SMARCA4: variants seen among roughly 807,000 people sequenced by gnomAD.
The protein encoded by SMARCA4 is SWI/SNF related BAF chromatin remodeling complex subunit ATPase 4.
In SMARCA4, 31 loss-of-function variants were observed where a neutral mutation model predicts 193.9. That is an observed-to-expected ratio of 0.16 (90% CI 0.12 to 0.22). The LOEUF is 0.22. SMARCA4 is among the 10% of genes least tolerant of loss of function. SMARCA4 has a pLI of 1.00. For missense variants in SMARCA4, 1,148 were observed against 2,296.0 expected (o/e 0.50, Z 10.22); for synonymous variants, 942 against 933.1 (o/e 1.01, Z -0.17).
Position 11,060,148 on chromosome 19 carries a change from G to T in SMARCA4, c.4872G>T (p.Pro1624=), listed in dbSNP as rs182644267. Residue 1624 remains proline (P), a synonymous_variant, in exon 34 of 35, where the codon CCG becomes CCT. Transcript: ENST00000344626. ...CGAGCCGAGGGTCCCGAGCCAAGCC[G>T]GTCGTGAGTGACGATGACAGTGAGG... ...RRPSRGSRAK[P]VVSDDDSEEE... is the part of the protein sequence containing the mutation. 1.9e-6 allele frequency: 3 copies of T among 1,551,214 alleles called. No individual in the cohort carries two copies. The Admixed American group carries it at 5.9e-5, about 30-fold the overall frequency.
At chr19:11,047,093 C>G (rs1450993906) in intron 30 of SMARCA4, among the ~76,000 whole-genome samples, 1 of 152,058 alleles carries the variant, frequency 6.6e-6, no homozygotes, top group African/African-American at 2.4e-5. Context: ...AAGACAAACT[C>G]AGGGTCCACA....
In SMARCA4 at chr19:11,019,471, C is replaced by G; in HGVS notation, c.2506-120C>G. The stretch of plus-strand genomic sequence containing the variant: ...CCCTGCCAGCCCCTTTCCCCACTAC[C>G]CCTGTGAGGACGAGCCCTCCCGCCG... On this transcript the variant is annotated intron_variant, in intron 17 of 34. Transcript: ENST00000344626. The surrounding 1 kb of genome is among the most constrained non-coding windows in gnomAD (Gnocchi z 6.1). The G allele has an allele frequency of 1.4e-6, 1 of 699,616 alleles. No individual in the cohort carries two copies. The highest frequency in any genetic ancestry group is 2.7e-5 in the East Asian group (1 of 37,040). 43.3% of individuals were successfully genotyped at this position (699,616 alleles called of 1,614,324 possible). A position where few individuals can be genotyped will look rare whatever the true frequency, so the allele number is the denominator to read the frequency against.
At chr19:11,025,352 CCCAT>C in intron 21 of SMARCA4, 66 bp from the exon 22 acceptor site, 1 of 980,586 alleles carries the variant, frequency 1.0e-6, no homozygotes, top group Non-Finnish European at 1.6e-6. Context: ...CCAACACCCA[CCCAT>C]CCACCAAGCC....
In SMARCA4 at chr19:10,986,667, C is replaced by G. The variant is rs560305365; in HGVS notation, c.760+74C>G. 2 of 1,531,144 alleles carry G rather than the reference C, an allele frequency of 1.3e-6. No individual in the cohort carries two copies. The highest frequency in any genetic ancestry group is 2.7e-5 in the African/African-American group (2 of 72,896). 94.8% of individuals were successfully genotyped at this position (1,531,144 alleles called of 1,614,324 possible). A position where few individuals can be genotyped will look rare whatever the true frequency, so the allele number is the denominator to read the frequency against. On this transcript the variant is annotated intron_variant, in intron 4 of 34. Transcript: ENST00000344626. The surrounding 1 kb of genome is among the most constrained non-coding windows in gnomAD (Gnocchi z 6.7). ...GGCGTGGGTGGCGGGGTGGACAGAC[C>G]GTGCTCTGTTGCCGACTGGGTTCCC...
At chr19:10,973,357 C>T (rs1028081402) in intron 1 of SMARCA4, among the ~76,000 whole-genome samples, 4 of 151,932 alleles carry the variant, frequency 2.6e-5, no homozygotes, top group Admixed American at 6.6e-5. Flanking sequence ...AGGCAGAGAA[C>T]CGTCCTGGAT....
At chr19:11,021,279 G>T (rs1246193788) in intron 18 of SMARCA4, 2 of 344,016 alleles carry the variant, frequency 5.8e-6, no homozygotes, top group Non-Finnish European at 1.2e-5. Flanking sequence ...TACCCCATGG[G>T]GCCCACATTC....
chr19:11,021,562 CGGTGA>C, intron 18 of SMARCA4, 158 bp from the exon 19 acceptor site: 1 of 851,332 alleles, frequency 1.2e-6, no homozygotes, highest in African/African-American at 1.7e-5. Context: ...GGCTCCAACT[CGGTGA>C]GTCAGCCCCG....
At chr19:11,012,209 C>G (rs746016283) in intron 15 of SMARCA4, 1 of 153,074 alleles carries the variant, frequency 6.5e-6, no homozygotes. Context: ...CTGTCTCTAC[C>G]GAAAATACAA....
chr19:10,981,844 C>T (rs1568412585), intron 1 of SMARCA4, among the ~76,000 whole-genome samples: 1 of 151,798 alleles, frequency 6.6e-6, no homozygotes, highest in East Asian at 1.9e-4. Context: ...AAAAATTAGC[C>T]AGGCATGGTG....
Position 11,061,849 on chromosome 19 carries a change from T to G in SMARCA4, c.*33T>G, listed in dbSNP as rs754969858. 8.7e-6 allele frequency: 14 copies of G among 1,610,074 alleles called. No homozygotes were observed. In the South Asian group the frequency reaches 1.5e-4, roughly 18 times the overall value. On this transcript the variant is annotated 3_prime_UTR_variant, in exon 35 of 35. Coordinates refer to ENST00000344626, the MANE Select transcript of SMARCA4 (RefSeq NM_003072.5). The stretch of plus-strand genomic sequence containing the variant: ...CATTCCAGTCTCGACCCCGAGCCCC[T>G]CGTTCCAGAGCTGAGATGGCATAGG...
At chr19:10,967,878 T>A (rs530693159) in intron 1 of SMARCA4, among the ~76,000 whole-genome samples, 1 of 150,456 alleles carries the variant, frequency 6.6e-6, no homozygotes, top group Non-Finnish European at 1.5e-5. Context: ...AATTTTTATT[T>A]ATTTATTTAT....
chr19:11,028,914 G>A (rs1251405385), intron 24 of SMARCA4, among the ~76,000 whole-genome samples: 2 of 152,172 alleles, frequency 1.3e-5, no homozygotes, highest in African/African-American at 4.8e-5. Context: ...AAGCTCCTGT[G>A]CAAGGTCTGT....
At chr19:11,008,291 C>T (rs1363590806) in intron 14 of SMARCA4, 3 of 410,636 alleles carry the variant, frequency 7.3e-6, no homozygotes, top group East Asian at 5.4e-5. Context: ...GTTCTCTGCT[C>T]CCCGGCTCCC....
At chr19:11,027,730 A>G (rs2146538632) in intron 23 of SMARCA4, 54 bp from the exon 24 acceptor site, 2 of 1,604,284 alleles carry the variant, frequency 1.2e-6, no homozygotes, top group East Asian at 2.2e-5. Flanking sequence ...ACCTGCCTGC[A>G]GGGTTCCAGG....
intron 11 of SMARCA4, among the ~76,000 whole-genome samples, chr19:10,998,502 T>A (rs1329372784): frequency 1.3e-5 from 2 of 150,482 alleles, no homozygotes; most frequent in Non-Finnish European, 3.0e-5. Context: ...CCTTTTAGTA[T>A]CTTTTTTTTT....
Position 11,059,916 on chromosome 19 carries a change from GT to G in SMARCA4, c.4768+33del, listed in dbSNP as rs776651662. 1.1e-5 allele frequency: 18 copies of G among 1,613,482 alleles called. No individual in the cohort carries two copies. In the South Asian group the frequency reaches 1.9e-4, roughly 17 times the overall value. ...TCCCGGGGGGGTTCAGGACGCCGGG[GT>G]TCACGCTGGCCCGAGAGCCCCCAAG... On this transcript the variant is annotated intron_variant, in intron 33 of 34. Transcript: ENST00000344626.
rs953449564 is a variant in SMARCA4, at chr19:11,041,184, T to G, written c.4171-123T>G. The G allele has an allele frequency of 7.6e-6, 8 of 1,050,280 alleles. No homozygotes were observed. In the South Asian group the frequency reaches 1.2e-4, roughly 16 times the overall value. The allele number at this position is 1,050,280 out of a possible 1,614,324, so 65.1% of individuals were successfully genotyped here. On this transcript the variant is annotated intron_variant, in intron 29 of 34. Transcript: ENST00000344626. The surrounding 1 kb of genome is among the most constrained non-coding windows in gnomAD (Gnocchi z 5.6). ...GTGTTATGCCCCGAGCCAGTCAAGC[T>G]GAAGGGAGAGCGGGTGCGGGGGCCC...
Position 10,984,564 on chromosome 19 carries a change from G to C in SMARCA4, c.222+191G>C, listed in dbSNP as rs2085848252. ...GGTTCAGCTCGTCAGACCCCAGCCT[G>C]TGCTGGCGCATGATCTGGGCCCCGC... On this transcript the variant is annotated intron_variant, in intron 2 of 34. Transcript: ENST00000344626. This position sits in a 1 kb window ranked among gnomAD's most constrained non-coding sequence, Gnocchi z 4.3. Among the ~76,000 whole-genome samples the C allele has an allele frequency of 6.6e-6, 1 of 152,278 alleles. No homozygotes were observed. The highest frequency in any genetic ancestry group is 1.5e-5 in the Non-Finnish European group (1 of 68,048).
intron 30 of SMARCA4, among the ~76,000 whole-genome samples, chr19:11,051,491 CTTT>C (rs554212827): frequency 3.0e-5 from 4 of 133,506 alleles, no homozygotes; most frequent in Admixed American, 7.5e-5. Flanking sequence ...GACATATTTC[CTTT>C]TTTTTTTTTT....
Sources: gnomAD v4.1 joint callset for allele counts (sites outside exome capture counted in the v4.1 genomes callset) on GRCh38, gnomAD v4.1.1 for gene constraint, Gnocchi (gnomAD v3.1) non-coding constraint, MANE v1.5 for transcripts, NCBI Gene and HGNC (gene_info 2026-07-23, HGNC 2026-07-21) for gene names.